NASP: variants seen among roughly 807,000 people sequenced by gnomAD.
The protein encoded by NASP is NASP histone chaperone.
Under a neutral mutation model 89.5 loss-of-function variants are expected in NASP, and 24 were observed. The observed-to-expected ratio is 0.27, with a 90% CI of 0.19 to 0.38. The LOEUF is 0.38. NASP is among the 10% of genes least tolerant of loss of function. NASP has a pLI of 1.00. For missense variants in NASP, 848 were observed against 921.4 expected, an observed-to-expected ratio of 0.92 and a Z score of 1.03; for synonymous variants, 306 against 324.7, an observed-to-expected ratio of 0.94 and a Z score of 0.62.
At position 45,593,830 on chromosome 1, in the gene NASP, G is replaced by T. The variant is rs563946037; in HGVS notation, c.107+2560G>T. Among the ~76,000 whole-genome samples, 3 of 150,324 alleles carry T rather than the reference G, an allele frequency of 2.0e-5. No individual in the cohort carries two copies. The East Asian group carries it at 5.9e-4, about 29-fold the overall frequency. On this transcript the variant is annotated intron_variant, in intron 2 of 14. Coordinates refer to ENST00000350030, the MANE Select transcript of NASP (RefSeq NM_002482.4). ...CCCCAGGAGTTCGAGACCAGCCTGG[G>T]CAACATAGCAAGACGCCATCTGTAC...
intron 1 of NASP, among the ~76,000 whole-genome samples, chr1:45,587,687 T>TATATATATATATA (rs66829841): frequency 6.4e-5 from 5 of 78,178 alleles, no homozygotes; most frequent in Non-Finnish European, 6.8e-5. Context: ...TATATATATA[T>TATATATATATATA]AATTAATTTT....
In NASP at chr1:45,613,059, G is replaced by A; in HGVS notation, c.1427-110G>A. On this transcript the variant is annotated intron_variant, in intron 6 of 14. Transcript: ENST00000350030. ...TTCAGGTGTTAACTCACTTGGATTA[G>A]CATCTGGCCTGTCCTATCTGAATAT... 2.9e-6 allele frequency: 4 copies of A among 1,399,402 alleles called. No individual in the cohort carries two copies. The South Asian group carries it at 4.7e-5, about 16-fold the overall frequency. 86.7% of individuals were successfully genotyped at this position (1,399,402 alleles called of 1,614,324 possible).
At chr1:45,617,993 C>A (rs1644136049) in intron 14 of NASP, 68 bp from the exon 15 acceptor site, 1 of 1,392,064 alleles carries the variant, frequency 7.2e-7, no homozygotes, top group Admixed American at 2.0e-5. Context: ...ATGACTGAGG[C>A]CTCAGTTATA....
At position 45,617,557 on chromosome 1, in the gene NASP, G is replaced by T; in HGVS notation, c.2252G>T (p.Ser751Ile). The change falls in exon 14 of 15, where the codon AGT becomes ATT. Residue 751 changes from serine (S) to isoleucine (I), a missense_variant. Transcript: ENST00000350030. ...GGAGGCAGTGGGGATGCTGTCCCCAGTGGAAATGAAGTTTCGGAAAACATG... is the reference window on the plus strand; with the variant it reads ...GGAGGCAGTGGGGATGCTGTCCCCATTGGAAATGAAGTTTCGGAAAACATG... ...VNGGSGDAVP[S>I]GNEVSENMEE... 1 of 1,600,798 alleles carries T rather than the reference G, an allele frequency of 6.2e-7. No individual in the cohort carries two copies. The highest frequency in any genetic ancestry group is 1.1e-5 in the South Asian group (1 of 89,038).
At chr1:45,593,969 T>G (rs1360879154) in intron 2 of NASP, among the ~76,000 whole-genome samples, 8 of 149,012 alleles carry the variant, frequency 5.4e-5, no homozygotes, top group Non-Finnish European at 7.4e-5. Flanking sequence ...GTCGAGGTGG[T>G]GGTGAGCTAT....
intron 3 of NASP, among the ~76,000 whole-genome samples, chr1:45,602,810 G>A (rs143425047): frequency 5.3e-5 from 8 of 152,322 alleles, no homozygotes; most frequent in Non-Finnish European, 1.0e-4. Flanking sequence ...TTTTGGTAGA[G>A]ATGGGGTTTC....
chr1:45,586,112 G>A (rs192516411), intron 1 of NASP, among the ~76,000 whole-genome samples: 2 of 145,278 alleles, frequency 1.4e-5, no homozygotes, highest in Admixed American at 1.4e-4. Context: ...GTTCCTCACA[G>A]CATAAATTGA....
intron 7 of NASP, 103 bp downstream of exon 7, chr1:45,613,351 A>G: frequency 7.6e-7 from 1 of 1,322,664 alleles, no homozygotes; most frequent in Non-Finnish European, 1.0e-6. Context: ...GGTGATCATG[A>G]TCATGGCTCA....
intron 4 of NASP, among the ~76,000 whole-genome samples, chr1:45,606,102 A>G (rs1042391489): frequency 6.6e-6 from 1 of 152,210 alleles, no homozygotes; most frequent in Non-Finnish European, 1.5e-5. Context: ...TCTCGTAATC[A>G]TACAGAACTT....
chr1:45,607,902 G>T lies in NASP; in HGVS notation c.991G>T (p.Glu331Ter). The T allele has an allele frequency of 6.2e-7, 1 of 1,614,124 alleles. No homozygotes were observed. The highest frequency in any genetic ancestry group is 1.1e-5 in the South Asian group (1 of 91,054). The part of the protein sequence containing the change: ...SENEAGKAVL[E>*]QLVGQEVPPA... ...AAACGAGGCAGGAAAGGCGGTTCTT[G>T]AACAACTGGTAGGTCAAGAAGTACC... is the stretch of plus-strand genomic sequence containing the variant. The change falls in exon 6 of 15, where the codon GAA (glutamate) becomes TAA (stop). Residue 331 changes from glutamate (E) to a stop codon, truncating the protein, a stop_gained. Coordinates refer to ENST00000350030, the MANE Select transcript of NASP (RefSeq NM_002482.4). LOFTEE classifies it high-confidence loss of function.
intron 2 of NASP, among the ~76,000 whole-genome samples, chr1:45,598,934 A>C (rs1305705800): frequency 6.6e-6 from 1 of 152,166 alleles, no homozygotes; most frequent in Non-Finnish European, 1.5e-5. Context: ...ATTAACACTT[A>C]ATACCAGTTG....
Position 45,616,398 on chromosome 1 carries a change from G to C in NASP, c.2079+5G>C, listed in dbSNP as rs535233608. On this transcript the variant is annotated splice_donor_5th_base_variant and intron_variant, in intron 12 of 14. Coordinates refer to ENST00000350030, the MANE Select transcript of NASP (RefSeq NM_002482.4). ...GGAGGCTCTTCAGTCTCCATGGTGC[G>C]TATTCAGGTGGTTTTTTGGTCACTT... 6.2e-7 allele frequency: 1 copy of C among 1,613,832 alleles called. No homozygotes were observed. The highest frequency in any genetic ancestry group is 8.5e-7 in the Non-Finnish European group (1 of 1,179,760).
intron 2 of NASP, among the ~76,000 whole-genome samples, chr1:45,595,394 T>C (rs1230221533): frequency 2.0e-5 from 3 of 152,166 alleles, no homozygotes; most frequent in African/African-American, 7.2e-5. Context: ...CTTTGTTTTA[T>C]ATTTGGTTCT....
intron 6 of NASP, among the ~76,000 whole-genome samples, chr1:45,608,987 T>A (rs1643956845): frequency 6.6e-6 from 1 of 152,070 alleles, no homozygotes; most frequent in South Asian, 2.1e-4. Flanking sequence ...ACAGAAAACA[T>A]AACCATTAGC....
At chr1:45,584,542 G>A (rs1269098751) in intron 1 of NASP, among the ~76,000 whole-genome samples, 1 of 152,214 alleles carries the variant, frequency 6.6e-6, no homozygotes, top group African/African-American at 2.4e-5. Flanking sequence ...GCGCGGGTTG[G>A]CCTTCACGCC....
At position 45,618,536 on chromosome 1, in the gene NASP, T is replaced by A. The variant is rs1644148869; in HGVS notation, c.*395T>A. 1.2e-5 allele frequency: 2 copies of A among 173,430 alleles called. No individual in the cohort carries two copies. Among genetic ancestry groups the A allele is most frequent in the South Asian group, 2.7e-4 (2 of 7,406 alleles). The allele number at this position is 173,430 out of a possible 1,614,324, so 10.7% of individuals were successfully genotyped here. A position where few individuals can be genotyped will look rare whatever the true frequency, so the allele number is the denominator to read the frequency against. On this transcript the variant is annotated 3_prime_UTR_variant, in exon 15 of 15. Transcript: ENST00000350030. ...CTACAAAAACAAGAATTGGTGAAGA[T>A]CTTGCTCTTCAGTGCTGAAAATGGA... is the stretch of plus-strand genomic sequence containing the variant.
At chr1:45,613,005 T>G (rs1013613057) in intron 6 of NASP, 164 bp from the exon 7 acceptor site, 32 of 961,830 alleles carry the variant, frequency 3.3e-5, no homozygotes, top group Non-Finnish European at 4.3e-5. Context: ...ACACTTGAAC[T>G]AGACTGCACC....
At chr1:45,615,668 G>A (rs368134838) in intron 11 of NASP, 197 bp downstream of exon 11, 4 of 551,782 alleles carry the variant, frequency 7.2e-6, no homozygotes, top group South Asian at 2.4e-5. Flanking sequence ...CCATACTTAC[G>A]TGTGGCCATG....
rs1032450013 is a variant in NASP at position 45,603,606 on chromosome 1, T to C, written c.218+1241T>C. Among the ~76,000 whole-genome samples the C allele has an allele frequency of 3.7e-4, 4 of 10,882 alleles. No individual in the cohort carries two copies. The East Asian group carries it at 4.8e-3, about 13-fold the overall frequency. 7.1% of individuals were successfully genotyped at this position (10,882 alleles called of 152,430 possible). ...AATTTTATCTGGTAGTATTTAGAGA[T>C]TTTTTTTTTTTTTTTTTTTGAGATG... On this transcript the variant is annotated intron_variant, in intron 3 of 14. Coordinates refer to ENST00000350030, the MANE Select transcript of NASP (RefSeq NM_002482.4).
Sources: gnomAD v4.1 joint callset for allele counts (sites outside exome capture counted in the v4.1 genomes callset) on GRCh38, gnomAD v4.1.1 for gene constraint, MANE v1.5 for transcripts, NCBI Gene and HGNC (gene_info 2026-07-23, HGNC 2026-07-21) for gene names.